LDHAL6A: variants seen among roughly 807,000 people sequenced by gnomAD.
The protein encoded by LDHAL6A is lactate dehydrogenase A like 6A, also known as L-lactate dehydrogenase A-like 6A.
Under a neutral mutation model 28.2 loss-of-function variants are expected in LDHAL6A, and 19 were observed. That is an observed-to-expected ratio of 0.67 (90% CI 0.47 to 0.99). LDHAL6A has a LOEUF of 0.99. Ranked by LOEUF, LDHAL6A falls within the 50% of genes least tolerant of loss-of-function variation. The pLI is 0.00. For missense variants in LDHAL6A, 372 were observed against 398.6 expected (o/e 0.93, Z 0.57); for synonymous variants, 144 against 134.4 (o/e 1.07, Z -0.49).
chr11:18,466,176 G>A (rs941750592), intron 3 of LDHAL6A, among the ~76,000 whole-genome samples: 3 of 152,148 alleles, frequency 2.0e-5, no homozygotes, highest in Admixed American at 6.5e-5. Context: ...GCATAGGACA[G>A]CTTTATTTTC....
intron 1 of LDHAL6A, among the ~76,000 whole-genome samples, chr11:18,462,651 C>CAAA (rs1306112384): frequency 1.8e-5 from 1 of 54,406 alleles, no homozygotes; most frequent in African/African-American, 1.2e-4. Context: ...AACAAACAAA[C>CAAA]AAACAAAAAA....
rs370520407 is a variant in LDHAL6A at position 18,465,671 on chromosome 11, T to C, written c.279T>C (p.Ile93=). The C allele has an allele frequency of 1.2e-6, 2 of 1,613,984 alleles. No homozygotes were observed. The highest frequency in any genetic ancestry group is 1.7e-6 in the Non-Finnish European group (2 of 1,179,990). The change falls in exon 3 of 7, where the codon ATT becomes ATC. Residue 93 remains isoleucine (I), a synonymous_variant. Coordinates refer to ENST00000280706, the MANE Select transcript of LDHAL6A (RefSeq NM_144972.5). ...TCACTGCAAACTCCAATCTAGTGAT[T>C]ATCACAGCAGGTGCACGCCAGAAAA... The part of the protein sequence containing the change: ...YLVTANSNLV[I]ITAGARQKKG...
chr11:18,467,935 A>ACG lies in LDHAL6A; in HGVS notation c.418+2125_418+2126insCG, dbSNP rs370691049. On this transcript the variant is annotated intron_variant, in intron 3 of 6. Transcript: ENST00000280706. The stretch of plus-strand genomic sequence containing the variant: ...TATATATATACACACACATATATAT[A>ACG]TACACACACATATATATATACGTAT... Among the ~76,000 whole-genome samples, 16 of 72,224 alleles carry ACG rather than the reference A, an allele frequency of 2.2e-4. 2 individuals carry two copies. Among genetic ancestry groups the ACG allele is most frequent in the Admixed American group, 6.9e-4 (4 of 5,790 alleles). The allele number at this position is 72,224 out of a possible 152,430, so 47.4% of individuals were successfully genotyped here.
At chr11:18,462,441 T>C (rs1848939518) in intron 1 of LDHAL6A, among the ~76,000 whole-genome samples, 1 of 151,314 alleles carries the variant, frequency 6.6e-6, no homozygotes, top group East Asian at 2.0e-4. Flanking sequence ...ATCAAGACCA[T>C]CCTGGCTAAC....
At chr11:18,462,585 C>G (rs1440367208) in intron 1 of LDHAL6A, among the ~76,000 whole-genome samples, 3 of 147,310 alleles carry the variant, frequency 2.0e-5, no homozygotes, top group Non-Finnish European at 3.0e-5. Context: ...TGCAGTGAGC[C>G]GAGATCACGC....
At chr11:18,471,509 T>A (rs1266915060) in intron 3 of LDHAL6A, among the ~76,000 whole-genome samples, 1 of 152,024 alleles carries the variant, frequency 6.6e-6, no homozygotes, top group Non-Finnish European at 1.5e-5. Flanking sequence ...CACGCCTGCA[T>A]ACAGATCTTA....
intron 1 of LDHAL6A, among the ~76,000 whole-genome samples, chr11:18,462,667 C>CAAA (rs567746051): frequency 1.3e-5 from 1 of 74,838 alleles, no homozygotes; most frequent in Non-Finnish European, 2.7e-5. Context: ...AAAAAAAAAA[C>CAAA]AAAAAAAACC....
rs1228385602 is a variant in LDHAL6A, at chr11:18,475,542, G to A, written c.495G>A (p.Leu165=). The A allele has an allele frequency of 1.2e-6, 2 of 1,614,006 alleles. No individual in the cohort carries two copies. Among genetic ancestry groups the A allele is most frequent in the Non-Finnish European group, 1.7e-6 (2 of 1,179,880 alleles). Residue 165 remains leucine, a synonymous_variant, in exon 4 of 7, where the codon CTG becomes CTA. Coordinates refer to ENST00000280706, the MANE Select transcript of LDHAL6A (RefSeq NM_144972.5). ...GTGTTATTGGAAGTGGTTGTAATCT[G>A]GACTCTGCTCGTTTTCGTTACTTTA... ...KNRVIGSGCN[L]DSARFRYFIG... is the part of the protein sequence containing the mutation.
intron 3 of LDHAL6A, among the ~76,000 whole-genome samples, chr11:18,467,062 A>AT (rs745712148): frequency 6.6e-5 from 10 of 152,194 alleles, no homozygotes; most frequent in Non-Finnish European, 1.3e-4. Context: ...AAAAATCAAG[A>AT]TACCTGAAAT....
chr11:18,476,786 T>C (rs188265765), intron 5 of LDHAL6A: 2 of 178,482 alleles, frequency 1.1e-5, no homozygotes, highest in East Asian at 1.9e-4. Flanking sequence ...ATAGTGTTTA[T>C]TGTAGTGGTG....
At chr11:18,458,331 A>G (rs1281034142) in intron 1 of LDHAL6A, among the ~76,000 whole-genome samples, 1 of 152,206 alleles carries the variant, frequency 6.6e-6, no homozygotes, top group Non-Finnish European at 1.5e-5. Flanking sequence ...ATGTAAGAGC[A>G]TCTGTAGGCT....
chr11:18,477,882 G>C lies in LDHAL6A; in HGVS notation c.834+139G>C, dbSNP rs115109257. On this transcript the variant is annotated intron_variant, in intron 6 of 6. Transcript: ENST00000280706. ...GAAGTCTGTTCTTTGCTGCTGAAGA[G>C]TGGGGAGATTGGGGAAAGAGCCTAT... The C allele has an allele frequency of 1.3e-3, 952 of 707,950 alleles. 9 individuals are homozygous for C. In the African/African-American group the frequency reaches 0.016, roughly 12 times the overall value. The allele number at this position is 707,950 out of a possible 1,614,324, so 43.9% of individuals were successfully genotyped here.
intron 1 of LDHAL6A, among the ~76,000 whole-genome samples, chr11:18,463,150 G>A (rs1201501270): frequency 3.9e-5 from 6 of 152,072 alleles, no homozygotes; most frequent in African/African-American, 1.4e-4. Context: ...TCTGGAACTC[G>A]TTTAAATTTA....
At chr11:18,474,252 T>A (rs1314391810) in intron 3 of LDHAL6A, among the ~76,000 whole-genome samples, 2 of 151,856 alleles carry the variant, frequency 1.3e-5, no homozygotes, top group Admixed American at 6.6e-5. Context: ...CTAATTTTTT[T>A]ATTTTTAGTA....
intron 5 of LDHAL6A, chr11:18,476,703 C>A: frequency 2.6e-6 from 2 of 776,690 alleles, no homozygotes; most frequent in Non-Finnish European, 3.1e-6. Context: ...TATTCCTGAG[C>A]CTAACCCAGT....
intron 3 of LDHAL6A, among the ~76,000 whole-genome samples, chr11:18,473,594 G>A (rs539292416): frequency 6.6e-6 from 1 of 152,146 alleles, no homozygotes; most frequent in Non-Finnish European, 1.5e-5. Flanking sequence ...ACGCGGTCTT[G>A]TTATGTTGCC....
At chr11:18,459,184 G>C (rs916359355) in intron 1 of LDHAL6A, among the ~76,000 whole-genome samples, 75 of 152,236 alleles carry the variant, frequency 4.9e-4, no homozygotes, top group African/African-American at 1.5e-3. Context: ...AGGACTGAGA[G>C]GCAAACCCAC....
chr11:18,475,590 C>G lies in LDHAL6A; in HGVS notation c.543C>G (p.His181Gln). 1 of 1,614,172 alleles carries G rather than the reference C, an allele frequency of 6.2e-7. No homozygotes were observed. Among genetic ancestry groups the G allele is most frequent in the Non-Finnish European group, 8.5e-7 (1 of 1,180,036 alleles). ...RYFIGQRLGI[H>Q]SESCHGLILG... is the part of the protein sequence containing the mutation. Reference sequence around the variant, plus strand: ...TTATTGGGCAAAGGCTTGGCATCCACTCTGAAAGCTGTCATGGGCTGATCC... The same window carrying G: ...TTATTGGGCAAAGGCTTGGCATCCAGTCTGAAAGCTGTCATGGGCTGATCC... The change falls in exon 4 of 7, where the codon CAC becomes CAG. Residue 181 changes from histidine to glutamine, a missense_variant. This residue lies in a region of LDHAL6A where 291 missense variants were observed against 302.9 expected (regional missense o/e 0.96). Coordinates refer to ENST00000280706, the MANE Select transcript of LDHAL6A (RefSeq NM_144972.5).
At chr11:18,477,505 G>A in intron 5 of LDHAL6A, 115 bp from the exon 6 acceptor site, 1 of 879,506 alleles carries the variant, frequency 1.1e-6, no homozygotes, top group Non-Finnish European at 1.7e-6. Context: ...GTAATTTCTA[G>A]AAGTTGTTGA....
Sources: gnomAD v4.1 joint callset for allele counts (sites outside exome capture counted in the v4.1 genomes callset) on GRCh38, gnomAD v4.1.1 for gene constraint, gnomAD v4.1.1 regional missense constraint, MANE v1.5 for transcripts, NCBI Gene and HGNC (gene_info 2026-07-23, HGNC 2026-07-21) for gene names.